The following NCF2 variants were observed in gnomAD, a reference collection of about 807,000 sequenced individuals.
NCF2 encodes neutrophil cytosolic factor 2, also known as neutrophil cytosol factor 2.
Under a neutral mutation model 70.9 loss-of-function variants are expected in NCF2, and 45 were observed. The observed-to-expected ratio is 0.63, with a 90% CI of 0.50 to 0.81. The LOEUF is 0.81. Among genes scored for constraint, NCF2 ranks in the 40% least tolerant of loss-of-function variants. The pLI, the probability that NCF2 is intolerant of heterozygous loss-of-function variation, is 0.00. For missense variants in NCF2, 522 were observed against 631.6 expected (o/e 0.83, Z 1.86); for synonymous variants, 203 against 233.6 (o/e 0.87, Z 1.19).
chr1:183,561,783 T>C (rs945143659), intron 13 of NCF2, among the ~76,000 whole-genome samples: 3 of 16,258 alleles, frequency 1.8e-4, no homozygotes, highest in African/African-American at 3.5e-4. Flanking sequence ...AGGCCTCTTT[T>C]TTTTTTTTTT....
At chr1:183,599,527 C>G in the NCF2 span, among the ~76,000 whole-genome samples, 9 of 135,928 alleles carry the variant, frequency 6.6e-5, no homozygotes, top group Non-Finnish European at 9.4e-5. Context: ...TTCTTTCTCT[C>G]TCTTTCTTTC....
intron 1 of NCF2, 119 bp downstream of exon 1, chr1:183,590,037 C>G (rs1673567254): frequency 3.0e-5 from 45 of 1,487,368 alleles, no homozygotes; most frequent in Middle Eastern, 1.9e-4. Context: ...AGGGGTGGAG[C>G]TTGGGCAACT....
chr1:183,557,820 TC>T, intron 14 of NCF2, among the ~76,000 whole-genome samples: 1 of 152,294 alleles, frequency 6.6e-6, no homozygotes, highest in African/African-American at 2.4e-5. Context: ...ACCCAGTTCT[TC>T]CCACTGAGTT....
chr1:183,577,443 T>A (rs983705044), intron 3 of NCF2, among the ~76,000 whole-genome samples, 156 bp downstream of exon 3: 3 of 152,206 alleles, frequency 2.0e-5, no homozygotes, highest in African/African-American at 7.2e-5. Context: ...TCCATCTCAG[T>A]CTTTTCTTCA....
upstream of NCF2, among the ~76,000 whole-genome samples, chr1:183,592,289 C>T (rs1435643379): frequency 6.6e-6 from 1 of 152,216 alleles, no homozygotes; most frequent in Non-Finnish European, 1.5e-5. Context: ...CCTGTGTTTA[C>T]AAGGCCTTCC....
In NCF2 at chr1:183,565,599, G is replaced by A. The variant is rs1359165111; in HGVS notation, c.1000+105C>T. The A allele has an allele frequency of 6.1e-6, 7 of 1,148,184 alleles. No individual in the cohort carries two copies. The Admixed American group carries it at 1.2e-4, about 20-fold the overall frequency. The allele number at this position is 1,148,184 out of a possible 1,614,324, so 71.1% of individuals were successfully genotyped here. ...GGTCATTAGCTGAGTGACATGTTGG[G>A]AGAAGAAGAAACCAGAATTTCCTGG... On this transcript the variant is annotated intron_variant, in intron 10 of 14. Coordinates refer to ENST00000367535, the MANE Select transcript of NCF2 (RefSeq NM_000433.4).
At chr1:183,565,500 GA>G (rs1160796332) in intron 10 of NCF2, among the ~76,000 whole-genome samples, 1 of 152,224 alleles carries the variant, frequency 6.6e-6, no homozygotes, top group Non-Finnish European at 1.5e-5. Flanking sequence ...GTGTTCTGCA[GA>G]AGGCAGGGAG....
the NCF2 span, among the ~76,000 whole-genome samples, chr1:183,598,401 A>G: frequency 6.6e-6 from 1 of 152,196 alleles, no homozygotes; most frequent in Non-Finnish European, 1.5e-5. Context: ...TGTGTTACTC[A>G]GGAATACGGA....
chr1:183,556,007 T>TAACA lies in NCF2; in HGVS notation c.*107_*110dup. The TAACA allele has an allele frequency of 1.1e-6, 1 of 915,948 alleles. No individual in the cohort carries two copies. The highest frequency in any genetic ancestry group is 1.8e-6 in the Non-Finnish European group (1 of 561,334). The allele number at this position is 915,948 out of a possible 1,614,324, so 56.7% of individuals were successfully genotyped here. ...TAAATTTTAACAGGGAATAAATAGT[T>TAACA]AACACTTCCAAACTGTAATGTCTCA... On this transcript the variant is annotated 3_prime_UTR_variant, in exon 15 of 15. Transcript: ENST00000367535.
At chr1:183,573,419 G>C in intron 4 of NCF2, 127 bp from the exon 5 acceptor site, 2 of 904,358 alleles carry the variant, frequency 2.2e-6, no homozygotes, top group Non-Finnish European at 3.6e-6. Context: ...TTCCAAATGA[G>C]TGTTGTCATT....
At chr1:183,601,313 T>C in the NCF2 span, among the ~76,000 whole-genome samples, 76 of 152,366 alleles carry the variant, frequency 5.0e-4, 3 homozygotes, top group South Asian at 0.015. Flanking sequence ...TTCTGTCGTA[T>C]AATGAGTGCC....
chr1:183,557,824 A>T (rs1362752564), intron 14 of NCF2, among the ~76,000 whole-genome samples: 2 of 151,784 alleles, frequency 1.3e-5, no homozygotes, highest in Admixed American at 1.3e-4. Flanking sequence ...AGTTCTTCCC[A>T]CTGAGTTACC....
At chr1:183,589,585 C>T (rs1673544603) in intron 1 of NCF2, among the ~76,000 whole-genome samples, 2 of 152,204 alleles carry the variant, frequency 1.3e-5, no homozygotes, top group South Asian at 4.1e-4. Flanking sequence ...CCACACCATG[C>T]CCCCAGCAGA....
intron 4 of NCF2, among the ~76,000 whole-genome samples, 192 bp downstream of exon 4, chr1:183,574,295 C>T (rs1000247159): frequency 6.6e-6 from 1 of 152,154 alleles, no homozygotes; most frequent in Non-Finnish European, 1.5e-5. Flanking sequence ...AGGGCTCTGC[C>T]ATCCCATACT....
chr1:183,574,063 C>T (rs1672690299), intron 4 of NCF2, among the ~76,000 whole-genome samples: 1 of 152,220 alleles, frequency 6.6e-6, no homozygotes, highest in South Asian at 2.1e-4. Context: ...GCACTCCAGG[C>T]TGGGCAACAG....
At chr1:183,581,674 GTT>G (rs71130625) in intron 2 of NCF2, among the ~76,000 whole-genome samples, 5 of 144,478 alleles carry the variant, frequency 3.5e-5, no homozygotes, top group South Asian at 2.2e-4. Context: ...CTTGCTAAGT[GTT>G]TTTTTTTTTT....
At chr1:183,575,290 A>C (rs1227607878) in intron 3 of NCF2, among the ~76,000 whole-genome samples, 2 of 152,194 alleles carry the variant, frequency 1.3e-5, no homozygotes, top group East Asian at 1.9e-4. Flanking sequence ...GCCAACATGG[A>C]GAAACCCTGT....
At chr1:183,561,766 C>A (rs1672063009) in intron 13 of NCF2, among the ~76,000 whole-genome samples, 1 of 136,234 alleles carries the variant, frequency 7.3e-6, no homozygotes, top group Non-Finnish European at 1.5e-5. Context: ...CAGGCATAAA[C>A]CATACCAGGC....
intron 13 of NCF2, among the ~76,000 whole-genome samples, chr1:183,561,777 C>CTTT (rs1672065058): frequency 9.1e-6 from 1 of 110,488 alleles, no homozygotes; most frequent in African/African-American, 3.7e-5. Flanking sequence ...CATACCAGGC[C>CTTT]TCTTTTTTTT....
Sources: gnomAD v4.1 joint callset for allele counts (sites outside exome capture counted in the v4.1 genomes callset) on GRCh38, gnomAD v4.1.1 for gene constraint, MANE v1.5 for transcripts, NCBI Gene and HGNC (gene_info 2026-07-23, HGNC 2026-07-21) for gene names.